The following RBFOX1 variants were observed in gnomAD, a reference collection of about 807,000 sequenced individuals.
The protein encoded by RBFOX1 is RNA binding protein fox-1 homolog 1.
In RBFOX1, 8 loss-of-function variants were observed where a neutral mutation model predicts 57.7. The ratio of observed to expected loss-of-function variants is 0.14; its 90% CI spans 0.08 to 0.25. RBFOX1 has a LOEUF of 0.25. Ranked by LOEUF, RBFOX1 falls within the 10% of genes least tolerant of loss-of-function variation. RBFOX1 has a pLI of 1.00. For missense variants in RBFOX1, 611 were observed against 548.5 expected (o/e 1.11, Z -1.14); for synonymous variants, 326 against 222.4 (o/e 1.47, Z -4.15).
chr16:5,454,946 C>CTTTCTTT (rs2068570023), intron 1 of RBFOX1, among the ~76,000 whole-genome samples: 4 of 48,324 alleles, frequency 8.3e-5, no homozygotes, highest in Non-Finnish European at 1.6e-4. Flanking sequence ...TTCCTTCCTT[C>CTTTCTTT]CTTCCTTCCT....
intron 4 of RBFOX1, among the ~76,000 whole-genome samples, chr16:5,964,304 A>G (rs1480139272): frequency 6.6e-6 from 1 of 152,178 alleles, no homozygotes; most frequent in Non-Finnish European, 1.5e-5. Flanking sequence ...GTGGGAATGT[A>G]AATTGGTACA....
At chr16:5,989,218 C>A (rs564117259) in intron 4 of RBFOX1, among the ~76,000 whole-genome samples, 1 of 151,598 alleles carries the variant, frequency 6.6e-6, no homozygotes, top group African/African-American at 2.4e-5. Context: ...GTAGTCCCAG[C>A]TGCTCGGGAG....
exon 1 of RBFOX1, chr16:5,239,843 C>G: frequency 2.5e-6 from 3 of 1,182,676 alleles, no homozygotes; most frequent in Non-Finnish European, 2.4e-6. Flanking sequence ...CCGCTCGCGC[C>G]GGGTCCTTCC....
chr16:7,652,820 G>GTAA (rs2065371065), intron 11 of RBFOX1, among the ~76,000 whole-genome samples: 1 of 152,130 alleles, frequency 6.6e-6, no homozygotes, highest in Non-Finnish European at 1.5e-5. Flanking sequence ...TCAGATGTTG[G>GTAA]TAATAAGCTG....
intron 1 of RBFOX1, among the ~76,000 whole-genome samples, chr16:6,120,807 G>A (rs1475158913): frequency 1.3e-5 from 2 of 152,128 alleles, no homozygotes; most frequent in Non-Finnish European, 1.5e-5. Context: ...TTCTGGTGCT[G>A]CTAACATTCA....
intron 3 of RBFOX1, among the ~76,000 whole-genome samples, chr16:6,731,834 C>A (rs1568387527): frequency 6.6e-6 from 1 of 152,140 alleles, no homozygotes; most frequent in Non-Finnish European, 1.5e-5. Context: ...ACAACGTTTT[C>A]TAAAATCCTT....
In RBFOX1 at chr16:6,350,353, A is replaced by G. The variant is rs564413256; in HGVS notation, c.-64+33296A>G. Among the ~76,000 whole-genome samples, 254 of 151,208 alleles carry G rather than the reference A, an allele frequency of 1.7e-3. 1 individual carries two copies. Among genetic ancestry groups the G allele is most frequent in the African/African-American group, 5.6e-3 (232 of 41,194 alleles). On this transcript the variant is annotated intron_variant, in intron 2 of 15. Coordinates refer to ENST00000550418, the MANE Select transcript of RBFOX1 (RefSeq NM_018723.4). ...CTACTCGGGAGGCTGAGGCAGGAGA[A>G]GCACTTGAACCCAGGAGGCAGAGGT...
chr16:7,259,034 G>C (rs4786141), intron 4 of RBFOX1, among the ~76,000 whole-genome samples: 87,664 of 151,926 alleles, frequency 0.58, 27,067 homozygotes, highest in African/African-American at 0.8. Context: ...TAGTGATCAC[G>C]TCTACCTTTG....
intron 3 of RBFOX1, among the ~76,000 whole-genome samples, chr16:5,712,940 C>T (rs1473985936): frequency 6.6e-6 from 1 of 151,238 alleles, no homozygotes; most frequent in Non-Finnish European, 1.5e-5. Flanking sequence ...AACCCAGCTC[C>T]AAATGCTGTA....
intron 4 of RBFOX1, among the ~76,000 whole-genome samples, chr16:7,210,599 C>G (rs924833637): frequency 1.4e-5 from 2 of 147,508 alleles, no homozygotes; most frequent in African/African-American, 2.5e-5. Flanking sequence ...GACCGTCATA[C>G]TGATGCTAAT....
intron 2 of RBFOX1, among the ~76,000 whole-genome samples, chr16:6,629,085 A>G (rs536998415): frequency 2.0e-4 from 30 of 152,326 alleles, no homozygotes; most frequent in African/African-American, 6.7e-4. Flanking sequence ...GAACAGTTTA[A>G]ATGAAAGAGT....
At chr16:6,482,226 A>G (rs1234669235) in intron 2 of RBFOX1, among the ~76,000 whole-genome samples, 1 of 152,240 alleles carries the variant, frequency 6.6e-6, no homozygotes, top group African/African-American at 2.4e-5. Flanking sequence ...ATATATGTAT[A>G]TTAAATTTTA....
intron 4 of RBFOX1, among the ~76,000 whole-genome samples, chr16:7,217,556 C>A (rs539255966): frequency 6.6e-6 from 1 of 151,928 alleles, no homozygotes; most frequent in Non-Finnish European, 1.5e-5. Context: ...CACTCTTTAT[C>A]TTATCCCTCA....
chr16:7,515,261 T>A (rs1035203880), intron 4 of RBFOX1, among the ~76,000 whole-genome samples: 3 of 1,204 alleles, frequency 2.5e-3, no homozygotes, highest in African/African-American at 4.1e-3. Flanking sequence ...ACAGCAGAAG[T>A]TTTTTTTTTT....
rs184678158 is a variant in RBFOX1, at chr16:5,767,357, G to A, written c.319-99946G>A. Among the ~76,000 whole-genome samples, 231 of 152,334 alleles carry A rather than the reference G, an allele frequency of 1.5e-3. 3 individuals are homozygous for A. Among genetic ancestry groups the A allele is most frequent in the Admixed American group, 4.6e-3 (71 of 15,292 alleles). ...AGGTCAAGATGGGATGCTGCCCAGA[G>A]GACCTCCACAGAAATTCATTAACTG... is the stretch of plus-strand genomic sequence containing the variant. On this transcript the variant is annotated intron_variant, in intron 3 of 19. Coordinates refer to the RBFOX1 transcript ENST00000641259.
At chr16:7,379,780 TCCTGCCTG>T (rs919533506) in intron 4 of RBFOX1, among the ~76,000 whole-genome samples, 1 of 150,618 alleles carries the variant, frequency 6.6e-6, no homozygotes. Context: ...CTGCCTTCCG[TCCTGCCTG>T]CCTGCCTCCC....
intron 12 of RBFOX1, among the ~76,000 whole-genome samples, chr16:7,662,047 C>A (rs1325969406): frequency 6.6e-6 from 1 of 152,164 alleles, no homozygotes; most frequent in Non-Finnish European, 1.5e-5. Flanking sequence ...GGATCAGTTT[C>A]TTGGCCAGAG....
intron 3 of RBFOX1, among the ~76,000 whole-genome samples, chr16:6,999,189 AT>A (rs1298461285): frequency 2.1e-5 from 2 of 96,914 alleles, no homozygotes; most frequent in Non-Finnish European, 4.9e-5. Context: ...ATTTTATTTT[AT>A]TTTATTTTAT....
intron 1 of RBFOX1, among the ~76,000 whole-genome samples, chr16:6,093,384 G>A (rs2096203712): frequency 6.6e-6 from 1 of 151,882 alleles, no homozygotes; most frequent in Admixed American, 6.6e-5. Flanking sequence ...GGTCAGCCTA[G>A]GTATAGTGAG....
Sources: allele counts gnomAD v4.1 joint callset (sites outside exome capture counted in the v4.1 genomes callset), GRCh38; gene constraint gnomAD v4.1.1; transcripts MANE v1.5; gene names NCBI Gene and HGNC (gene_info 2026-07-23, HGNC 2026-07-21).